The following HTR2C variants were observed in gnomAD, a reference collection of about 807,000 sequenced individuals.
HTR2C encodes 5-hydroxytryptamine (serotonin) receptor 2C, G protein-coupled.
In HTR2C, 5 loss-of-function variants were observed where a neutral mutation model predicts 21.0. The observed-to-expected ratio is 0.24, with a 90% CI of 0.12 to 0.50. The LOEUF (loss-of-function observed/expected upper bound fraction) is 0.50. Among genes scored for constraint, HTR2C ranks in the 20% least tolerant of loss-of-function variants. The pLI is 0.98. For synonymous variants in HTR2C, 150 were observed against 145.3 expected, an observed-to-expected ratio of 1.03 and a Z score of -0.23; for missense variants, 271 against 371.2, an observed-to-expected ratio of 0.73 and a Z score of 2.22.
rs980411976 is a variant in HTR2C, at chrX:114,802,134, T to C, written c.350-45869T>C. Among the ~76,000 whole-genome samples the C allele has an allele frequency of 5.4e-5, 6 of 111,177 alleles. No individual in the cohort carries two copies. The East Asian group carries it at 1.7e-3, about 31-fold the overall frequency. On this transcript the variant is annotated intron_variant, in intron 4 of 5. Transcript: ENST00000276198. Reference sequence around the variant, plus strand: ...TTTTCAAGAGATCTGCCTAATAAATTAATTTAAATTGAGGCACCGTAATTT... The same window carrying C: ...TTTTCAAGAGATCTGCCTAATAAATCAATTTAAATTGAGGCACCGTAATTT...
intron 2 of HTR2C, among the ~76,000 whole-genome samples, chrX:114,707,313 TGAGAG>T (rs1395379489): frequency 3.6e-5 from 4 of 111,183 alleles, no homozygotes; most frequent in African/African-American, 1.3e-4. Context: ...CCCAGCTACT[TGAGAG>T]AAAGAGGTGA....
chrX:114,611,193 C>T (rs1440283287), intron 1 of HTR2C, among the ~76,000 whole-genome samples: 1 of 111,655 alleles, frequency 9.0e-6, no homozygotes, highest in Non-Finnish European at 1.9e-5. Flanking sequence ...GTTCTGTCTG[C>T]AATAGTCACA....
At chrX:114,772,141 C>G (rs1350032303) in intron 4 of HTR2C, among the ~76,000 whole-genome samples, 3 of 111,894 alleles carry the variant, frequency 2.7e-5, no homozygotes, top group African/African-American at 6.5e-5. Context: ...GATTCTAAAA[C>G]AGTTGATTTT....
intron 5 of HTR2C, among the ~76,000 whole-genome samples, chrX:114,877,220 T>C (rs1338179436): frequency 8.9e-6 from 1 of 111,772 alleles, no homozygotes; most frequent in Non-Finnish European, 1.9e-5. Flanking sequence ...CTAGGTTATC[T>C]ACTTTGTTGG....
At chrX:114,649,178 T>G (rs1292118594) in intron 2 of HTR2C, among the ~76,000 whole-genome samples, 2 of 112,070 alleles carry the variant, frequency 1.8e-5, no homozygotes, top group African/African-American at 6.5e-5. Context: ...ATCTATAGTG[T>G]CTAATACACT....
At chrX:114,734,227 A>C (rs1410103254) in intron 4 of HTR2C, among the ~76,000 whole-genome samples, 6 of 111,652 alleles carry the variant, frequency 5.4e-5, no homozygotes, top group Non-Finnish European at 7.5e-5. Flanking sequence ...AATGAAGATG[A>C]GACGAAGAAA....
intron 1 of HTR2C, among the ~76,000 whole-genome samples, chrX:114,597,218 C>CAAAAAA (rs782280036): frequency 9.1e-5 from 4 of 44,170 alleles, no homozygotes; most frequent in African/African-American, 2.8e-4. Flanking sequence ...ATTTCATCTC[C>CAAAAAA]AAAAAAAAAA....
At chrX:114,802,201 C>T (rs1052010211) in intron 4 of HTR2C, among the ~76,000 whole-genome samples, 1 of 111,047 alleles carries the variant, frequency 9.0e-6, no homozygotes, top group African/African-American at 3.3e-5. Context: ...TTATGGGAGC[C>T]ATTTAGCACT....
intron 5 of HTR2C, among the ~76,000 whole-genome samples, chrX:114,892,488 A>T (rs1289895882): frequency 8.9e-6 from 1 of 112,116 alleles, no homozygotes; most frequent in Non-Finnish European, 1.9e-5. Context: ...TTACCTGAAG[A>T]TAAAATAATT....
chrX:114,608,998 C>T (rs999443804), intron 1 of HTR2C, among the ~76,000 whole-genome samples: 10 of 111,754 alleles, frequency 8.9e-5, no homozygotes, highest in Admixed American at 5.7e-4. Context: ...ATGCAAGACA[C>T]GTCTTTAAAA....
At chrX:114,660,521 C>T (rs1296941028) in intron 2 of HTR2C, among the ~76,000 whole-genome samples, 3 of 112,417 alleles carry the variant, frequency 2.7e-5, no homozygotes, top group Admixed American at 9.5e-5. Flanking sequence ...TTTGCGTTTA[C>T]ACGATTATCT....
chrX:114,725,054 T>C (rs782365034), intron 2 of HTR2C, among the ~76,000 whole-genome samples: 3 of 110,490 alleles, frequency 2.7e-5, no homozygotes, highest in Admixed American at 9.7e-5. Flanking sequence ...TGAATCTGAA[T>C]GTTGGCCTGC....
At chrX:114,647,667 C>T (rs1602661590) in intron 2 of HTR2C, among the ~76,000 whole-genome samples, 1 of 112,204 alleles carries the variant, frequency 8.9e-6, no homozygotes, top group East Asian at 2.8e-4. Context: ...AAAACAAAAT[C>T]GTATGAATGT....
intron 4 of HTR2C, among the ~76,000 whole-genome samples, chrX:114,838,158 G>A (rs1346249145): frequency 3.6e-5 from 4 of 111,239 alleles, no homozygotes; most frequent in Non-Finnish European, 7.6e-5. Context: ...GGCTTTATTT[G>A]TTAATATTTT....
At chrX:114,892,382 T>C (rs2147528359) in intron 5 of HTR2C, among the ~76,000 whole-genome samples, 1 of 111,953 alleles carries the variant, frequency 8.9e-6, no homozygotes, top group East Asian at 2.8e-4. Context: ...TTTCTGTTTC[T>C]TTCCATTTTG....
chrX:114,727,261 G>A (rs1406277176), intron 3 of HTR2C, among the ~76,000 whole-genome samples: 19 of 112,098 alleles, frequency 1.7e-4, no homozygotes, highest in Non-Finnish European at 1.9e-5. Context: ...TTTTCCATGG[G>A]TAAAACTTAG....
At chrX:114,769,179 T>TA (rs1556436261) in intron 4 of HTR2C, among the ~76,000 whole-genome samples, 1 of 111,687 alleles carries the variant, frequency 9.0e-6, no homozygotes, top group Non-Finnish European at 1.9e-5. Context: ...ATTCAATGAC[T>TA]ACTACAGCAA....
chrX:114,728,433 C>T (rs1279854912), intron 3 of HTR2C, among the ~76,000 whole-genome samples: 1 of 110,701 alleles, frequency 9.0e-6, no homozygotes. Context: ...AATTATAATA[C>T]AGACAATTCT....
chrX:114,712,478 A>G (rs1219749451), intron 2 of HTR2C, among the ~76,000 whole-genome samples: 1 of 112,344 alleles, frequency 8.9e-6, no homozygotes, highest in African/African-American at 3.2e-5. Context: ...TTGAATTTAC[A>G]GAGAAACTCA....
Sources: gnomAD v4.1 joint callset for allele counts (sites outside exome capture counted in the v4.1 genomes callset) on GRCh38, gnomAD v4.1.1 for gene constraint, MANE v1.5 for transcripts, NCBI Gene and HGNC (gene_info 2026-07-23, HGNC 2026-07-21) for gene names.